Variants in SLX9 observed in about 807,000 individuals in gnomAD.
SLX9 encodes the protein SLX9 ribosome biogenesis factor, also known as ribosome biogenesis protein SLX9 homolog.
A neutral mutation model predicts 20.8 loss-of-function variants in SLX9; 19 were observed. The observed-to-expected ratio is 0.91, with a 90% confidence interval of 0.64 to 1.34. The LOEUF (loss-of-function observed/expected upper bound fraction) is 1.34, where lower values mean the gene tolerates loss of function less well. Ranked by LOEUF, SLX9 falls within the 40% of genes most tolerant of loss-of-function variation. SLX9 has a pLI of 0.00. For synonymous variants in SLX9, 113 were observed against 137.1 expected, an observed-to-expected ratio of 0.82 and a Z score of 1.23; for missense variants, 299 against 322.2, an observed-to-expected ratio of 0.93 and a Z score of 0.55.
At chr21:44,954,264 G>C (rs1176145251) in intron 2 of SLX9, among the ~76,000 whole-genome samples, 1 of 152,190 alleles carries the variant, frequency 6.6e-6, no homozygotes, top group Non-Finnish European at 1.5e-5. Flanking sequence ...CGTGGACTCT[G>C]CGTCTTCTGG....
rs146429439 is a variant in SLX9, at chr21:44,975,119, C to G, written c.570-1561C>G. 8.5e-5 allele frequency among the ~76,000 whole-genome samples: 13 copies of G among 152,294 alleles called. No homozygotes were observed. The East Asian group carries it at 2.5e-3, about 29-fold the overall frequency. Reference sequence around the variant, plus strand: ...GCCAGAGGTCTGTTCCCTTTCATGTCCATGGTGCTTTCTGGCGCCTGTGGA... The same window carrying G: ...GCCAGAGGTCTGTTCCCTTTCATGTGCATGGTGCTTTCTGGCGCCTGTGGA... On this transcript the variant is annotated intron_variant, in intron 5 of 5. Coordinates refer to ENST00000291634, the MANE Select transcript of SLX9 (RefSeq NM_058190.4).
intron 2 of SLX9, among the ~76,000 whole-genome samples, chr21:44,951,832 G>A (rs1240439453): frequency 2.0e-5 from 3 of 152,106 alleles, no homozygotes; most frequent in Admixed American, 6.6e-5. Context: ...AGTGTCTTCA[G>A]GAGCCCTTGC....
At chr21:44,969,799 A>G (rs1049373713) in intron 4 of SLX9, among the ~76,000 whole-genome samples, 14 of 152,108 alleles carry the variant, frequency 9.2e-5, no homozygotes, top group African/African-American at 3.4e-4. Flanking sequence ...TTTTTCCCTA[A>G]CGGACTCTTT....
intron 2 of SLX9, among the ~76,000 whole-genome samples, chr21:44,944,667 C>T (rs911367243): frequency 2.0e-5 from 3 of 152,208 alleles, no homozygotes; most frequent in African/African-American, 7.2e-5. Flanking sequence ...GAGGGCCTGG[C>T]TGTGGGGGCA....
chr21:44,974,284 G>A (rs2085221123), intron 5 of SLX9, among the ~76,000 whole-genome samples: 1 of 152,166 alleles, frequency 6.6e-6, no homozygotes, highest in African/African-American at 2.4e-5. Flanking sequence ...CTTTCCAGTT[G>A]AGAGTCTGAA....
At chr21:44,969,772 AC>A (rs1239854497) in intron 4 of SLX9, among the ~76,000 whole-genome samples, 1 of 152,100 alleles carries the variant, frequency 6.6e-6, no homozygotes, top group Non-Finnish European at 1.5e-5. Flanking sequence ...TAAAGCCCAT[AC>A]CTTAGGTTTC....
rs190235583 is a variant in SLX9, at chr21:44,957,439, C to T, written c.284-2661C>T. On this transcript the variant is annotated intron_variant, in intron 2 of 5. Coordinates refer to ENST00000291634, the MANE Select transcript of SLX9 (RefSeq NM_058190.4). The stretch of plus-strand genomic sequence containing the variant: ...GCTCCTGAAGACTCAGGCAAGGGCA[C>T]GGCTTCTCCTCATCCTCCTCCTCTT... Among the ~76,000 whole-genome samples, 20 of 152,344 alleles carry T rather than the reference C, an allele frequency of 1.3e-4. No homozygotes were observed. The South Asian group carries it at 2.5e-3, about 19-fold the overall frequency.
chr21:44,940,074 G>C lies in SLX9; in HGVS notation c.17G>C (p.Gly6Ala), dbSNP rs11539073. The C allele has an allele frequency of 2.7e-6, 4 of 1,461,748 alleles. No individual in the cohort carries two copies. Among genetic ancestry groups the C allele is most frequent in the Non-Finnish European group, 2.7e-6 (3 of 1,106,068 alleles). 90.5% of individuals were successfully genotyped at this position (1,461,748 alleles called of 1,614,324 possible). A position where few individuals can be genotyped will look rare whatever the true frequency, so the allele number is the denominator to read the frequency against. Reference protein sequence around the residue: MGKVRGLRARVHQAAV... With the variant: MGKVRALRARVHQAAV... ...GCCGGGAAGATGGGGAAAGTGAGGG[G>C]GTTGCGCGCCCGAGTGCACCAGGCT... Residue 6 changes from glycine (G) to alanine (A), a missense_variant, in exon 1 of 6, where the codon GGG becomes GCG. Gly to Ala is a moderately conservative substitution (Grantham distance 60). Transcript: ENST00000291634.
intron 1 of SLX9, among the ~76,000 whole-genome samples, chr21:44,941,403 C>G (rs1257711861): frequency 2.0e-5 from 3 of 151,136 alleles, no homozygotes. Flanking sequence ...ACTATGTGAC[C>G]TCTCTCCTTG....
intron 5 of SLX9, among the ~76,000 whole-genome samples, chr21:44,975,269 C>T (rs531352566): frequency 6.6e-6 from 1 of 152,298 alleles, no homozygotes; most frequent in Non-Finnish European, 1.5e-5. Flanking sequence ...CCTTGTAGCT[C>T]CTGGAGCTGG....
At chr21:44,946,518 C>T (rs369344850) in intron 2 of SLX9, among the ~76,000 whole-genome samples, 30 of 152,324 alleles carry the variant, frequency 2.0e-4, no homozygotes, top group African/African-American at 5.8e-4. Flanking sequence ...GTGCTTCTGG[C>T]CAGGAGCCGG....
chr21:44,973,064 T>C, intron 4 of SLX9, 133 bp from the exon 5 acceptor site: 1 of 506,026 alleles, frequency 2.0e-6, no homozygotes, highest in Non-Finnish European at 2.8e-6. Flanking sequence ...TTGGAACTTG[T>C]GGTTCTGCAG....
At chr21:44,955,262 C>CT (rs1480062716) in intron 2 of SLX9, among the ~76,000 whole-genome samples, 15 of 152,098 alleles carry the variant, frequency 9.9e-5, no homozygotes, top group Non-Finnish European at 2.1e-4. Context: ...GACAGGGGCC[C>CT]TCCCGCTTCC....
At chr21:44,960,890 T>C (rs990268916) in intron 3 of SLX9, among the ~76,000 whole-genome samples, 2 of 152,390 alleles carry the variant, frequency 1.3e-5, no homozygotes, top group Non-Finnish European at 2.9e-5. Context: ...TCGGTTATCT[T>C]TTTAGTGTGA....
chr21:44,976,880 G>A lies in SLX9; in HGVS notation c.*77G>A, dbSNP rs1278156982. 1 of 1,522,338 alleles carries A rather than the reference G, an allele frequency of 6.6e-7. No homozygotes were observed. Among genetic ancestry groups the A allele is most frequent in the African/African-American group, 1.4e-5 (1 of 72,606 alleles). 94.3% of individuals were successfully genotyped at this position (1,522,338 alleles called of 1,614,324 possible). A position where few individuals can be genotyped will look rare whatever the true frequency, so the allele number is the denominator to read the frequency against. ...AGAGCGCCGGCCCCTCAAGGACCAT[G>A]GCCTGAGCCTGGTGGACGCCCTTCC... On this transcript the variant is annotated 3_prime_UTR_variant, in exon 6 of 6. Transcript: ENST00000291634.
intron 2 of SLX9, among the ~76,000 whole-genome samples, chr21:44,945,647 GC>G (rs1443767790): frequency 6.6e-6 from 1 of 152,214 alleles, no homozygotes; most frequent in Non-Finnish European, 1.5e-5. Context: ...CTGAGGTCGT[GC>G]CCAGCAGCCC....
At chr21:44,976,567 C>G in intron 5 of SLX9, 113 bp from the exon 6 acceptor site, 1 of 1,464,530 alleles carries the variant, frequency 6.8e-7, no homozygotes, top group South Asian at 1.3e-5. Context: ...TACTCAGTCC[C>G]GTGGTGGCCC....
intron 4 of SLX9, among the ~76,000 whole-genome samples, chr21:44,971,309 T>G (rs1487629360): frequency 2.0e-5 from 3 of 152,168 alleles, no homozygotes; most frequent in Non-Finnish European, 4.4e-5. Flanking sequence ...GTCGCGTCCC[T>G]GCCGGTGCTT....
chr21:44,949,582 C>T (rs902675014), intron 2 of SLX9, among the ~76,000 whole-genome samples: 6 of 152,146 alleles, frequency 3.9e-5, no homozygotes, highest in Admixed American at 3.3e-4. Flanking sequence ...TACTCTTAGA[C>T]GCCGGGCACA....
Sources: allele counts gnomAD v4.1 joint callset (sites outside exome capture counted in the v4.1 genomes callset), GRCh38; gene constraint gnomAD v4.1.1; transcripts MANE v1.5; gene names NCBI Gene and HGNC (gene_info 2026-07-23, HGNC 2026-07-21).